Variants in GPC6 observed in about 807,000 individuals in gnomAD.
The protein encoded by GPC6 is glypican 6.
Under a neutral mutation model 55.2 loss-of-function variants are expected in GPC6, and 14 were observed. That is an observed-to-expected ratio of 0.25 (90% CI 0.17 to 0.40). The LOEUF (loss-of-function observed/expected upper bound fraction) is 0.40. GPC6 is among the 10% of genes least tolerant of loss of function. The pLI is 1.00. For synonymous variants in GPC6, 278 were observed against 259.6 expected (o/e 1.07, Z -0.68); for missense variants, 641 against 708.5 (o/e 0.90, Z 1.08).
intron 2 of GPC6, among the ~76,000 whole-genome samples, chr13:93,691,390 C>T (rs1882249537): frequency 1.4e-5 from 2 of 146,362 alleles, no homozygotes; most frequent in South Asian, 4.7e-4. Flanking sequence ...TTGCTTATTC[C>T]TATATATTTT....
In GPC6 at chr13:94,162,491, G is replaced by A. The variant is rs539405736; in HGVS notation, c.878-123858G>A. Among the ~76,000 whole-genome samples the A allele has an allele frequency of 5.9e-5, 9 of 152,290 alleles. No individual in the cohort carries two copies. In the South Asian group the frequency reaches 1.9e-3, roughly 32 times the overall value. On this transcript the variant is annotated intron_variant, in intron 4 of 8. Transcript: ENST00000377047. ...GCCCAGCCCTGTGACACACTCAGTG[G>A]CTGGGGCTTGAGTGTGTTGTTGGCT...
chr13:93,536,377 A>T (rs1311905662), intron 1 of GPC6, among the ~76,000 whole-genome samples: 1 of 152,092 alleles, frequency 6.6e-6, no homozygotes, highest in Non-Finnish European at 1.5e-5. Context: ...ATAATCGTTT[A>T]ACAGTAACTC....
At chr13:93,577,670 A>T (rs1782069843) in intron 2 of GPC6, among the ~76,000 whole-genome samples, 1 of 151,994 alleles carries the variant, frequency 6.6e-6, no homozygotes, top group Admixed American at 6.6e-5. Flanking sequence ...GACTTCCAGA[A>T]GGAAAACAAT....
At chr13:93,671,274 T>A (rs1881346088) in intron 2 of GPC6, among the ~76,000 whole-genome samples, 1 of 152,084 alleles carries the variant, frequency 6.6e-6, no homozygotes, top group Non-Finnish European at 1.5e-5. Flanking sequence ...TGAAACTTTT[T>A]TTTTTTTTTC....
intron 2 of GPC6, among the ~76,000 whole-genome samples, chr13:93,621,727 T>C (rs905946330): frequency 6.6e-6 from 1 of 152,180 alleles, no homozygotes; most frequent in Non-Finnish European, 1.5e-5. Context: ...AGCTACCCTC[T>C]TTCTTGAATT....
intron 3 of GPC6, among the ~76,000 whole-genome samples, chr13:93,919,060 G>C (rs559597970): frequency 1.3e-5 from 2 of 152,148 alleles, no homozygotes; most frequent in Non-Finnish European, 2.9e-5. Context: ...TGACGAGTGA[G>C]TTCTTGGTCA....
intron 2 of GPC6, among the ~76,000 whole-genome samples, chr13:93,788,879 A>G (rs1032146664): frequency 1.3e-5 from 2 of 152,190 alleles, no homozygotes; most frequent in African/African-American, 2.4e-5. Context: ...TGCATGGAGA[A>G]TGAATTATAG....
At chr13:94,270,583 T>A (rs975317103) in intron 4 of GPC6, among the ~76,000 whole-genome samples, 19 of 151,818 alleles carry the variant, frequency 1.3e-4, no homozygotes, top group Middle Eastern at 3.4e-3. Context: ...TACAGATGAT[T>A]TTTATTCTCC....
intron 3 of GPC6, among the ~76,000 whole-genome samples, chr13:94,024,665 T>C (rs776168493): frequency 1.3e-5 from 2 of 152,172 alleles, no homozygotes; most frequent in Non-Finnish European, 2.9e-5. Context: ...TTATTAAGGC[T>C]GTTCAATTTT....
intron 2 of GPC6, among the ~76,000 whole-genome samples, chr13:93,822,850 A>ATT (rs200990036): frequency 0.025 from 3,695 of 147,550 alleles, 148 homozygotes; most frequent in African/African-American, 0.085. Flanking sequence ...TATTATTATT[A>ATT]TTATTTTATT....
intron 1 of GPC6, among the ~76,000 whole-genome samples, chr13:93,295,858 G>T (rs1280068349): frequency 6.6e-6 from 1 of 152,138 alleles, no homozygotes; most frequent in African/African-American, 2.4e-5. Flanking sequence ...ACAGGCGTGT[G>T]CCATCATGGC....
chr13:94,069,926 T>C (rs1443400197), intron 4 of GPC6, among the ~76,000 whole-genome samples: 1 of 152,180 alleles, frequency 6.6e-6, no homozygotes, highest in Non-Finnish European at 1.5e-5. Context: ...TGTTCCAACC[T>C]CTTCCTGTTA....
chr13:93,774,978 G>A (rs2138897898), intron 2 of GPC6, among the ~76,000 whole-genome samples: 1 of 152,170 alleles, frequency 6.6e-6, no homozygotes, highest in South Asian at 2.1e-4. Flanking sequence ...GGTGAGAAAA[G>A]GACATCCATG....
rs547715019 is a variant in GPC6 at position 93,311,917 on chromosome 13, C to A, written c.160+84301C>A. Among the ~76,000 whole-genome samples, 7 of 152,116 alleles carry A rather than the reference C, an allele frequency of 4.6e-5. No individual in the cohort carries two copies. In the South Asian group the frequency reaches 1.5e-3, roughly 32 times the overall value. Reference sequence around the variant, plus strand: ...AAGATGGGTCTTTGGGGTAATCAGGCAGAAGCAATTTTAGCTCCTGATGGG... The same window carrying A: ...AAGATGGGTCTTTGGGGTAATCAGGAAGAAGCAATTTTAGCTCCTGATGGG... On this transcript the variant is annotated intron_variant, in intron 1 of 8. Coordinates refer to ENST00000377047, the MANE Select transcript of GPC6 (RefSeq NM_005708.5).
At chr13:93,733,115 T>G (rs552720375) in intron 2 of GPC6, among the ~76,000 whole-genome samples, 18 of 152,178 alleles carry the variant, frequency 1.2e-4, no homozygotes, top group Non-Finnish European at 2.5e-4. Context: ...ACTTGGAAAT[T>G]TCAGGACTAT....
intron 1 of GPC6, among the ~76,000 whole-genome samples, chr13:93,348,273 C>A (rs1016584661): frequency 6.6e-6 from 1 of 152,118 alleles, no homozygotes; most frequent in Non-Finnish European, 1.5e-5. Context: ...GTCTCAACAT[C>A]ATTAGTAACA....
chr13:94,178,093 A>G (rs1888853383), intron 4 of GPC6, among the ~76,000 whole-genome samples: 1 of 144,082 alleles, frequency 6.9e-6, no homozygotes, highest in South Asian at 2.2e-4. Context: ...ATCTCAACTC[A>G]CTGCAACCTC....
At chr13:93,345,565 G>T (rs1309032638) in intron 1 of GPC6, among the ~76,000 whole-genome samples, 3 of 151,986 alleles carry the variant, frequency 2.0e-5, no homozygotes, top group Non-Finnish European at 2.9e-5. Flanking sequence ...ATTAAGAATA[G>T]TAATATATTT....
At chr13:94,074,381 T>G (rs933899702) in intron 4 of GPC6, among the ~76,000 whole-genome samples, 9 of 152,186 alleles carry the variant, frequency 5.9e-5, no homozygotes, top group African/African-American at 2.2e-4. Context: ...ACAATGAAGG[T>G]TTAAAGATGA....
Sources: gnomAD v4.1 joint callset for allele counts (sites outside exome capture counted in the v4.1 genomes callset) on GRCh38, gnomAD v4.1.1 for gene constraint, MANE v1.5 for transcripts, NCBI Gene and HGNC (gene_info 2026-07-23, HGNC 2026-07-21) for gene names.